Variants in MED13 observed in about 807,000 individuals in gnomAD.
MED13 encodes the protein mediator complex subunit 13.
MED13 carries 23 observed loss-of-function variants against 225.2 expected under a neutral mutation model. The observed-to-expected ratio is 0.10, with a 90% CI of 0.07 to 0.14. The LOEUF is 0.14. Among genes scored for constraint, MED13 ranks in the 10% least tolerant of loss-of-function variants. The pLI is 1.00. For synonymous variants in MED13, 942 were observed against 889.2 expected (o/e 1.06, Z -1.06); for missense variants, 2,197 against 2,594.5 (o/e 0.85, Z 3.33).
intron 8 of MED13, among the ~76,000 whole-genome samples, chr17:62,018,591 G>A (rs1247486372): frequency 6.6e-6 from 1 of 152,116 alleles, no homozygotes; most frequent in East Asian, 1.9e-4. Context: ...GCGCATGCCT[G>A]TAGTCCCAGC....
intron 8 of MED13, among the ~76,000 whole-genome samples, chr17:62,015,050 C>T (rs1416431279): frequency 1.3e-5 from 2 of 152,122 alleles, no homozygotes; most frequent in Admixed American, 6.5e-5. Context: ...GTTTTACCAA[C>T]CGAGTCAATG....
intron 8 of MED13, among the ~76,000 whole-genome samples, chr17:62,018,992 G>A (rs537216031): frequency 7.9e-5 from 12 of 152,226 alleles, no homozygotes; most frequent in African/African-American, 2.9e-4. Context: ...CCACTGACAG[G>A]GCTTTAGATT....
intron 23 of MED13, among the ~76,000 whole-genome samples, chr17:61,958,668 T>G (rs2079971154): frequency 6.6e-6 from 1 of 152,016 alleles, no homozygotes; most frequent in Non-Finnish European, 1.5e-5. Flanking sequence ...AGACGGGGTT[T>G]CATTATGTTG....
At chr17:62,002,261 G>A (rs1222260862) in intron 9 of MED13, among the ~76,000 whole-genome samples, 1 of 152,074 alleles carries the variant, frequency 6.6e-6, no homozygotes, top group Non-Finnish European at 1.5e-5. Context: ...AGGCTGAGGT[G>A]GGCGGATCAC....
rs60236710 is a variant in MED13 at position 62,008,016 on chromosome 17, CAAAAAA to C, written c.1967+2528_1967+2533del. Among the ~76,000 whole-genome samples the C allele has an allele frequency of 8.8e-3, 445 of 50,516 alleles. 10 individuals carry two copies. Among genetic ancestry groups the C allele is most frequent in the African/African-American group, 0.027 (399 of 14,702 alleles). The allele number at this position is 50,516 out of a possible 152,430, so 33.1% of individuals were successfully genotyped here. A position where few individuals can be genotyped will look rare whatever the true frequency, so the allele number is the denominator to read the frequency against. ...CCTGGAGGAAAGAGCGAGACTGTCT[CAAAAAA>C]AAAAAAAAAAAAAAGCTGTGCGCAG... On this transcript the variant is annotated intron_variant, in intron 9 of 29. Coordinates refer to ENST00000397786, the MANE Select transcript of MED13 (RefSeq NM_005121.3).
In MED13 at chr17:62,063,135, C is replaced by T. The variant is rs981784968; in HGVS notation, c.233G>A (p.Arg78Lys). The T allele has an allele frequency of 6.2e-7, 1 of 1,614,200 alleles. No homozygotes were observed. The highest frequency in any genetic ancestry group is 8.5e-7 in the Non-Finnish European group (1 of 1,180,024). Residue 78 changes from arginine to lysine, a missense_variant, in exon 2 of 30, where the codon AGA becomes AAA. Physicochemically the swap from Arg to Lys is conservative, Grantham distance 26. This residue lies in a region of MED13 where 884 missense variants were observed against 918.5 expected (regional missense o/e 0.96). Transcript: ENST00000397786. ...ACCCCACCAAAATATCCACAATTCT[C>T]TTCTTCCAGGTCTTTGATCTCGCCG... ...VWRRDQRPGR[R>K]ELWIFWWGED...
In MED13 at chr17:61,942,939, C is replaced by T. The variant is rs2079825832; in HGVS notation, c.*3529G>A. On this transcript the variant is annotated 3_prime_UTR_variant, in exon 30 of 30. Transcript: ENST00000397786. ...TCAATAACTTTAAGGTCCACATATCCAGTTTACTTTGAAAACTAAAGATGT... is the reference window on the plus strand; with the variant it reads ...TCAATAACTTTAAGGTCCACATATCTAGTTTACTTTGAAAACTAAAGATGT... The T allele has an allele frequency of 1.3e-5, 2 of 152,440 alleles. No individual in the cohort carries two copies. The highest frequency in any genetic ancestry group is 4.1e-4 in the South Asian group (2 of 4,822). 9.4% of individuals were successfully genotyped at this position (152,440 alleles called of 1,614,324 possible).
chr17:62,063,578 A>G (rs935420728), intron 1 of MED13, among the ~76,000 whole-genome samples: 5 of 152,228 alleles, frequency 3.3e-5, no homozygotes, highest in Admixed American at 2.0e-4. Context: ...TTAAATATAG[A>G]CACACACTTC....
At chr17:62,014,379 C>T (rs534263725) in intron 8 of MED13, among the ~76,000 whole-genome samples, 223 of 151,174 alleles carry the variant, frequency 1.5e-3, no homozygotes, top group African/African-American at 5.2e-3. Flanking sequence ...TGCAGTGGCA[C>T]GATCTCAGCT....
chr17:61,977,272 A>G (rs1020147986), intron 16 of MED13, among the ~76,000 whole-genome samples: 5 of 152,214 alleles, frequency 3.3e-5, no homozygotes, highest in Admixed American at 2.0e-4. Flanking sequence ...CATTTTTATA[A>G]TGAGAAGATG....
At chr17:62,034,678 A>G (rs1205944324) in intron 4 of MED13, among the ~76,000 whole-genome samples, 1 of 152,174 alleles carries the variant, frequency 6.6e-6, no homozygotes, top group Non-Finnish European at 1.5e-5. Context: ...TAAACTTTAA[A>G]AAGCAAATAT....
intron 3 of MED13, among the ~76,000 whole-genome samples, chr17:62,040,886 T>C (rs569168686): frequency 5.3e-5 from 8 of 151,862 alleles, no homozygotes; most frequent in Middle Eastern, 3.4e-3. Flanking sequence ...AAATAACAAG[T>C]GTTGATGAGG....
intron 22 of MED13, 45 bp downstream of exon 22, chr17:61,961,541 AGG>A: frequency 2.5e-6 from 3 of 1,191,228 alleles, no homozygotes; most frequent in Non-Finnish European, 3.5e-6. Context: ...AAAAAAAAAA[AGG>A]TATGTATAGT....
intron 28 of MED13, 130 bp downstream of exon 28, chr17:61,950,693 TAA>T: frequency 1.1e-6 from 1 of 899,108 alleles, no homozygotes; most frequent in Non-Finnish European, 1.6e-6. Context: ...TGATCTTGTT[TAA>T]AGAGTCACAT....
chr17:61,972,843 G>C lies in MED13; in HGVS notation c.3851C>G (p.Ser1284Cys), dbSNP rs750060065. ...GGCATCCTGAAGAACTGGCTGAAGAGAGAGGAGCATTCGAAGTATATCCTG... is the reference window on the plus strand; with the variant it reads ...GGCATCCTGAAGAACTGGCTGAAGACAGAGGAGCATTCGAAGTATATCCTG... ...CSQDILRMLL[S>C]LQPVLQDAIQ... is the part of the protein sequence containing the mutation. The change falls in exon 17 of 30, where the codon TCT becomes TGT. Residue 1284 changes from serine (S) to cysteine (C), a missense_variant. By Grantham distance (112) the Ser-to-Cys change is moderately radical. This residue lies in a region of MED13 where 203 missense variants were observed against 209.7 expected (regional missense o/e 0.97). Transcript: ENST00000397786. 1 of 1,613,844 alleles carries C rather than the reference G, an allele frequency of 6.2e-7. No homozygotes were observed. Among genetic ancestry groups the C allele is most frequent in the Admixed American group, 1.7e-5 (1 of 59,928 alleles).
At chr17:61,978,589 T>C (rs1054592459) in intron 16 of MED13, among the ~76,000 whole-genome samples, 3 of 152,144 alleles carry the variant, frequency 2.0e-5, no homozygotes, top group African/African-American at 7.2e-5. Context: ...AAATCTATTA[T>C]TGACCCTATT....
At chr17:62,035,324 G>T (rs560099190) in intron 4 of MED13, 139 bp downstream of exon 4, 3 of 806,590 alleles carry the variant, frequency 3.7e-6, no homozygotes, top group African/African-American at 1.8e-5. Context: ...TAATGGGGAA[G>T]GAAAAAGTAA....
intron 9 of MED13, 65 bp from the exon 10 acceptor site, chr17:61,995,430 T>TA: frequency 9.0e-7 from 1 of 1,111,550 alleles, no homozygotes; most frequent in Non-Finnish European, 1.3e-6. Flanking sequence ...AAAATGACGT[T>TA]AAGTATCATA....
At chr17:62,063,018 G>A in intron 2 of MED13, 49 bp downstream of exon 2, 1 of 1,372,250 alleles carries the variant, frequency 7.3e-7, no homozygotes, top group East Asian at 2.3e-5. Context: ...TCTGGGAGAA[G>A]TATACAATGT....
Sources: gnomAD v4.1 joint callset for allele counts (sites outside exome capture counted in the v4.1 genomes callset) on GRCh38, gnomAD v4.1.1 for gene constraint, gnomAD v4.1.1 regional missense constraint, MANE v1.5 for transcripts, NCBI Gene and HGNC (gene_info 2026-07-23, HGNC 2026-07-21) for gene names.